The following NIPBL variants were observed in gnomAD, a reference collection of about 807,000 sequenced individuals.
NIPBL encodes NIPBL cohesin loading factor.
NIPBL carries 19 observed loss-of-function variants against 321.8 expected under a neutral mutation model. The ratio of observed to expected loss-of-function variants is 0.06; its 90% CI spans 0.04 to 0.09. NIPBL has a LOEUF of 0.09. NIPBL is among the 10% of genes least tolerant of loss of function. NIPBL has a pLI of 1.00. For synonymous variants in NIPBL, 1,106 were observed against 1,114.1 expected (o/e 0.99, Z 0.14); for missense variants, 2,210 against 3,327.0 (o/e 0.66, Z 8.26).
intron 1 of NIPBL, among the ~76,000 whole-genome samples, chr5:36,930,546 GT>G (rs1490141039): frequency 3.3e-5 from 5 of 151,880 alleles, no homozygotes; most frequent in Non-Finnish European, 7.4e-5. Flanking sequence ...ATCTTTTTAA[GT>G]TTTTTTCTTA....
chr5:36,952,053 T>TGTGTGC (rs778597604), intron 1 of NIPBL, among the ~76,000 whole-genome samples: 4,123 of 111,974 alleles, frequency 0.037, 104 homozygotes, highest in East Asian at 0.068. Context: ...TGTGTGTGTG[T>TGTGTGC]GCGCGCGCGC....
rs574669023 is a variant in NIPBL at position 37,066,350 on chromosome 5, G to T, written c.*1458G>T. The stretch of plus-strand genomic sequence containing the variant: ...AAATAAATGAAGGTATTCAATTTTT[G>T]AGGAAGAATGACATTGCCACAAAAT... On this transcript the variant is annotated 3_prime_UTR_variant, in exon 47 of 47. Transcript: ENST00000282516. The T allele has an allele frequency of 6.6e-6, 1 of 152,278 alleles. No homozygotes were observed. Among genetic ancestry groups the T allele is most frequent in the South Asian group, 2.1e-4 (1 of 4,826 alleles). 9.4% of individuals were successfully genotyped at this position (152,278 alleles called of 1,614,324 possible). A position where few individuals can be genotyped will look rare whatever the true frequency, so the allele number is the denominator to read the frequency against.
At chr5:37,064,027 G>T in intron 46 of NIPBL, 49 bp downstream of exon 46, 1 of 1,599,290 alleles carries the variant, frequency 6.3e-7, no homozygotes, top group South Asian at 1.1e-5. Flanking sequence ...TACGTAAAAT[G>T]ATTTTTATGT....
intron 32 of NIPBL, among the ~76,000 whole-genome samples, chr5:37,029,919 A>G (rs902595941): frequency 1.1e-4 from 17 of 152,180 alleles, no homozygotes; most frequent in African/African-American, 3.6e-4. Context: ...AGTTAGCTCT[A>G]TATCATAGAA....
intron 1 of NIPBL, among the ~76,000 whole-genome samples, chr5:36,940,839 A>G (rs1738984119): frequency 6.6e-6 from 1 of 152,178 alleles, no homozygotes; most frequent in South Asian, 2.1e-4. Flanking sequence ...TTAGATAACA[A>G]TGCTAGGCAT....
intron 1 of NIPBL, among the ~76,000 whole-genome samples, chr5:36,927,658 G>A (rs1749465420): frequency 6.6e-6 from 1 of 152,156 alleles, no homozygotes; most frequent in Non-Finnish European, 1.5e-5. Context: ...AAAATTAGGA[G>A]TATTGTAGAA....
chr5:37,025,780 A>C (rs190042107), intron 30 of NIPBL, among the ~76,000 whole-genome samples: 2 of 152,290 alleles, frequency 1.3e-5, no homozygotes, highest in Non-Finnish European at 1.5e-5. Flanking sequence ...TATACTTCAT[A>C]AATGTGTACA....
chr5:36,930,471 A>G (rs1281048501), intron 1 of NIPBL, among the ~76,000 whole-genome samples: 3 of 151,984 alleles, frequency 2.0e-5, no homozygotes, highest in Non-Finnish European at 4.4e-5. Context: ...GATTTTCTAC[A>G]TACTGGACAG....
chr5:37,060,993 G>A lies in NIPBL; in HGVS notation c.7835G>A (p.Arg2612Lys). 1.9e-6 allele frequency: 3 copies of A among 1,614,100 alleles called. No individual in the cohort carries two copies. The highest frequency in any genetic ancestry group is 2.5e-6 in the Non-Finnish European group (3 of 1,179,996). ...ANSKITEEVK[R>K]SIVKQYLDFK... Reference sequence around the variant, plus strand: ...TCCAAAATCACAGAAGAGGTGAAAAGGAGTATAGTAAAACAGTATCTAGAT... The same window carrying A: ...TCCAAAATCACAGAAGAGGTGAAAAAGAGTATAGTAAAACAGTATCTAGAT... The change falls in exon 45 of 47, where the codon AGG becomes AAG. Residue 2612 changes from arginine (R) to lysine (K), a missense_variant. By Grantham distance (26) the Arg-to-Lys change is conservative. Coordinates refer to ENST00000282516, the MANE Select transcript of NIPBL (RefSeq NM_133433.4).
intron 25 of NIPBL, among the ~76,000 whole-genome samples, chr5:37,019,601 T>C (rs1405145178): frequency 6.6e-6 from 1 of 152,212 alleles, no homozygotes; most frequent in East Asian, 1.9e-4. Context: ...TTACAGATAC[T>C]GTACTGTACT....
chr5:37,020,259 CAT>C (rs756059225), intron 25 of NIPBL, among the ~76,000 whole-genome samples, 198 bp from the exon 26 acceptor site: 3 of 152,140 alleles, frequency 2.0e-5, no homozygotes, highest in Non-Finnish European at 4.4e-5. Context: ...AGTATTGGAA[CAT>C]AGTAAAATAA....
At chr5:37,049,430 T>A in intron 40 of NIPBL, 129 bp downstream of exon 40, 1 of 1,025,580 alleles carries the variant, frequency 9.8e-7, no homozygotes, top group South Asian at 1.3e-5. Context: ...CTCTTAAGAA[T>A]CTGGCAGTTT....
intron 32 of NIPBL, among the ~76,000 whole-genome samples, chr5:37,035,663 A>T (rs989761943): frequency 2.2e-4 from 34 of 152,242 alleles, no homozygotes; most frequent in Admixed American, 2.2e-3. Context: ...AAAGATATAG[A>T]ATATTTCCAT....
At chr5:36,952,018 C>G (rs964124515) in intron 1 of NIPBL, among the ~76,000 whole-genome samples, 4 of 101,936 alleles carry the variant, frequency 3.9e-5, no homozygotes, top group Admixed American at 9.6e-5. Context: ...CTCTGTTAAA[C>G]TGTGTGTGTG....
chr5:37,032,881 A>G (rs1278713088), intron 32 of NIPBL, among the ~76,000 whole-genome samples: 5 of 152,188 alleles, frequency 3.3e-5, no homozygotes, highest in Non-Finnish European at 7.4e-5. Flanking sequence ...TTTTCGTAAT[A>G]TTAAGATGGT....
intron 21 of NIPBL, among the ~76,000 whole-genome samples, chr5:37,012,534 A>T (rs1260754958): frequency 6.7e-6 from 1 of 150,146 alleles, no homozygotes; most frequent in Non-Finnish European, 1.5e-5. Context: ...TCACAGGACA[A>T]TAGTGGAGGG....
At chr5:36,990,538 A>G (rs1011662579) in intron 10 of NIPBL, among the ~76,000 whole-genome samples, 1 of 152,206 alleles carries the variant, frequency 6.6e-6, no homozygotes, top group Non-Finnish European at 1.5e-5. Context: ...TTTATAAAAT[A>G]CCTTTCTTAA....
Position 36,991,429 on chromosome 5 carries a change from A to T in NIPBL, c.3122-4193A>T, listed in dbSNP as rs540297448. Among the ~76,000 whole-genome samples the T allele has an allele frequency of 3.3e-5, 5 of 152,248 alleles. No individual in the cohort carries two copies. In the South Asian group the frequency reaches 8.3e-4, roughly 25 times the overall value. Reference sequence around the variant, plus strand: ...TATCTAATGAAGAAAGTAATTTTTTAAAATAAATCTTTTTATGTATCTGTA... The same window carrying T: ...TATCTAATGAAGAAAGTAATTTTTTTAAATAAATCTTTTTATGTATCTGTA... On this transcript the variant is annotated intron_variant, in intron 10 of 46. Coordinates refer to ENST00000282516, the MANE Select transcript of NIPBL (RefSeq NM_133433.4).
At chr5:36,925,599 G>A (rs1749298649) in intron 1 of NIPBL, among the ~76,000 whole-genome samples, 1 of 152,060 alleles carries the variant, frequency 6.6e-6, no homozygotes, top group Non-Finnish European at 1.5e-5. Flanking sequence ...TCTGAGGTAG[G>A]CACTATTATC....
Sources: gnomAD v4.1 joint callset for allele counts (sites outside exome capture counted in the v4.1 genomes callset) on GRCh38, gnomAD v4.1.1 for gene constraint, MANE v1.5 for transcripts, NCBI Gene and HGNC (gene_info 2026-07-23, HGNC 2026-07-21) for gene names.